The following MKLN1 variants were observed in gnomAD, a reference collection of about 807,000 sequenced individuals.
MKLN1 encodes the protein muskelin.
A neutral mutation model predicts 99.0 loss-of-function variants in MKLN1; 18 were observed. That is an observed-to-expected ratio of 0.18 (90% CI 0.13 to 0.27). The LOEUF is 0.27. Ranked by LOEUF, MKLN1 falls within the 10% of genes least tolerant of loss-of-function variation. MKLN1 has a pLI of 1.00. For synonymous variants in MKLN1, 288 were observed against 293.2 expected (o/e 0.98, Z 0.18); for missense variants, 621 against 875.9 (o/e 0.71, Z 3.67).
rs552421913 is a variant in MKLN1 at position 131,146,297 on chromosome 7, A to T, written c.-297+3356A>T. 2.0e-5 allele frequency among the ~76,000 whole-genome samples: 3 copies of T among 152,342 alleles called. No homozygotes were observed. In the East Asian group the frequency reaches 5.8e-4, roughly 29 times the overall value. On this transcript the variant is annotated intron_variant, in intron 2 of 7. Transcript: ENST00000416992. ...TTCAAGACTGCAGTGAGCTATGATC[A>T]TGCCACTGCACTCCAGCTTGGGCAT...
chr7:131,157,628 C>T (rs1471080158), intron 2 of MKLN1, among the ~76,000 whole-genome samples: 1 of 152,142 alleles, frequency 6.6e-6, no homozygotes, highest in Non-Finnish European at 1.5e-5. Flanking sequence ...TCATCACCAA[C>T]ATTATCATTA....
intron 1 of MKLN1, among the ~76,000 whole-genome samples, chr7:131,369,074 C>T (rs1395169558): frequency 6.6e-6 from 1 of 151,878 alleles, no homozygotes; most frequent in Non-Finnish European, 1.5e-5. Context: ...ATACATGCTT[C>T]TTTGTATCTT....
rs1795720096 is a variant in MKLN1 at position 131,437,871 on chromosome 7, C to G, written c.1047C>G (p.Ser349=). ...ACACATTGGGGCGTTACTTGGATTC[C>G]TCTGTGAGGAACAGCAAATCTCTGA... is the stretch of plus-strand genomic sequence containing the variant. ...QIYTLGRYLD[S]SVRNSKSLKS... is the part of the protein sequence containing the mutation. Residue 349 remains serine, a synonymous_variant, in exon 10 of 18, where the codon TCC becomes TCG. Transcript: ENST00000352689. 5 of 1,613,820 alleles carry G rather than the reference C, an allele frequency of 3.1e-6. No homozygotes were observed. The South Asian group carries it at 5.5e-5, about 18-fold the overall frequency.
intron 3 of MKLN1, among the ~76,000 whole-genome samples, chr7:131,254,453 T>A (rs1390568537): frequency 6.6e-6 from 1 of 152,114 alleles, no homozygotes; most frequent in African/African-American, 2.4e-5. Context: ...AACAGACTAC[T>A]TGAGGGCTCA....
intron 11 of MKLN1, 56 bp downstream of exon 11, chr7:131,443,758 GA>G: frequency 8.7e-6 from 11 of 1,260,536 alleles, no homozygotes; most frequent in African/African-American, 1.5e-5. Context: ...ATCTAGATAG[GA>G]AAAGAAGTGG....
At chr7:131,420,652 C>G (rs553547743) in intron 8 of MKLN1, among the ~76,000 whole-genome samples, 2 of 152,314 alleles carry the variant, frequency 1.3e-5, no homozygotes, top group African/African-American at 4.8e-5. Flanking sequence ...TTATGTAACA[C>G]TGTTCAAACC....
rs141318420 is a variant in MKLN1 at position 131,343,309 on chromosome 7, A to G, written c.98+15312A>G. Among the ~76,000 whole-genome samples, 139 of 152,336 alleles carry G rather than the reference A, an allele frequency of 9.1e-4. 2 individuals are homozygous for G. In the East Asian group the frequency reaches 0.024, roughly 26 times the overall value. ...AGGTAGACTTTTCCCTAAAGTTTAT[A>G]CAAGACACTTAATGGGCTGGGTCCT... On this transcript the variant is annotated intron_variant, in intron 1 of 17. Coordinates refer to ENST00000352689, the MANE Select transcript of MKLN1 (RefSeq NM_013255.5).
In MKLN1 at chr7:131,193,647, G is replaced by T. The variant is rs1318955061; in HGVS notation, c.-296-9210G>T. ...CCTCGGCCTCTCAGCCTCCCAAAGT[G>T]CTGGGATTACAGGCGTGAGCCACTG... On this transcript the variant is annotated intron_variant, in intron 2 of 7. Coordinates refer to the MKLN1 transcript ENST00000416992. Among the ~76,000 whole-genome samples, 5 of 152,230 alleles carry T rather than the reference G, an allele frequency of 3.3e-5. No individual in the cohort carries two copies. In the East Asian group the frequency reaches 9.7e-4, roughly 29 times the overall value.
intron 3 of MKLN1, among the ~76,000 whole-genome samples, chr7:131,251,093 A>ACGTGTGTGTGTGTG (rs1554542497): frequency 2.1e-5 from 3 of 146,162 alleles, no homozygotes; most frequent in Non-Finnish European, 1.5e-5. Context: ...TGGGGCCCAG[A>ACGTGTGTGTGTGTG]TGTGTGTGTG....
In MKLN1 at chr7:131,489,344, T is replaced by C. The variant is rs1463239386; in HGVS notation, c.*1616T>C. Reference sequence around the variant, plus strand: ...AACAGTGATTTCTTAAGCAATTTGATCTGTACCTTTACTTGTGAAAGGTAT... The same window carrying C: ...AACAGTGATTTCTTAAGCAATTTGACCTGTACCTTTACTTGTGAAAGGTAT... On this transcript the variant is annotated 3_prime_UTR_variant, in exon 18 of 18. Coordinates refer to ENST00000352689, the MANE Select transcript of MKLN1 (RefSeq NM_013255.5). The C allele has an allele frequency of 6.6e-6, 1 of 152,134 alleles. No homozygotes were observed. The highest frequency in any genetic ancestry group is 2.4e-5 in the African/African-American group (1 of 41,434). The allele number at this position is 152,134 out of a possible 1,614,324, so 9.4% of individuals were successfully genotyped here.
At chr7:131,279,243 T>A (rs1033953339) in intron 3 of MKLN1, among the ~76,000 whole-genome samples, 1 of 152,196 alleles carries the variant, frequency 6.6e-6, no homozygotes, top group African/African-American at 2.4e-5. Context: ...AATAGGGTAA[T>A]TGACATGACT....
intron 3 of MKLN1, among the ~76,000 whole-genome samples, 166 bp downstream of exon 3, chr7:131,387,428 CTTTT>C (rs1794066470): frequency 6.6e-6 from 1 of 152,020 alleles, no homozygotes; most frequent in African/African-American, 2.4e-5. Context: ...AGTTAGCTTT[CTTTT>C]TTATTTTTAT....
intron 2 of MKLN1, among the ~76,000 whole-genome samples, chr7:131,177,586 A>T (rs1348672175): frequency 6.6e-6 from 1 of 151,820 alleles, no homozygotes; most frequent in Non-Finnish European, 1.5e-5. Context: ...GCCTCTGATG[A>T]TATCATTATA....
chr7:131,409,939 A>G (rs1460215487), intron 6 of MKLN1, among the ~76,000 whole-genome samples: 1 of 152,150 alleles, frequency 6.6e-6, no homozygotes, highest in African/African-American at 2.4e-5. Flanking sequence ...ATTTGTATAC[A>G]TTACATGCAG....
intron 3 of MKLN1, among the ~76,000 whole-genome samples, chr7:131,224,373 C>G (rs1797107059): frequency 8.0e-6 from 1 of 125,506 alleles, no homozygotes; most frequent in South Asian, 2.8e-4. Context: ...TGGCGAAACC[C>G]CATCTCTACT....
intron 3 of MKLN1, among the ~76,000 whole-genome samples, chr7:131,313,268 C>G (rs1798602475): frequency 6.6e-6 from 1 of 152,154 alleles, no homozygotes; most frequent in Non-Finnish European, 1.5e-5. Context: ...TTCTATAAGT[C>G]AGTGGTACCA....
chr7:131,202,485 T>G (rs1345770758), intron 2 of MKLN1, among the ~76,000 whole-genome samples: 1 of 152,120 alleles, frequency 6.6e-6, no homozygotes, highest in East Asian at 1.9e-4. Flanking sequence ...TGGCCTCGAA[T>G]GCATAGCCTC....
At chr7:131,304,346 T>G (rs1159989165) in intron 3 of MKLN1, among the ~76,000 whole-genome samples, 1 of 152,142 alleles carries the variant, frequency 6.6e-6, no homozygotes, top group Non-Finnish European at 1.5e-5. Flanking sequence ...TGTACTCCAG[T>G]CTTGGCAACA....
intron 3 of MKLN1, among the ~76,000 whole-genome samples, chr7:131,254,674 G>C (rs1797632015): frequency 6.6e-6 from 1 of 150,958 alleles, no homozygotes; most frequent in Admixed American, 6.6e-5. Context: ...TAATTAGAGG[G>C]GCCCAATAGT....
Sources: allele counts gnomAD v4.1 joint callset (sites outside exome capture counted in the v4.1 genomes callset), GRCh38; gene constraint gnomAD v4.1.1; transcripts MANE v1.5; gene names NCBI Gene and HGNC (gene_info 2026-07-23, HGNC 2026-07-21).